The following PDE10A variants were observed in gnomAD, a reference collection of about 807,000 sequenced individuals.
PDE10A encodes phosphodiesterase 10A, also known as cAMP and cAMP-inhibited cGMP 3',5'-cyclic phosphodiesterase 10A.
Under a neutral mutation model 97.7 loss-of-function variants are expected in PDE10A, and 39 were observed. The observed-to-expected ratio is 0.40, with a 90% confidence interval of 0.31 to 0.52. The LOEUF (loss-of-function observed/expected upper bound fraction) is 0.52, where lower values mean the gene tolerates loss of function less well. PDE10A is among the 20% of genes least tolerant of loss of function. The pLI is 0.56. For missense variants in PDE10A, 731 were observed against 1,047.8 expected (o/e 0.70, Z 4.17); for synonymous variants, 371 against 376.8 (o/e 0.98, Z 0.18).
intron 1 of PDE10A, among the ~76,000 whole-genome samples, chr6:165,679,934 G>A (rs1021574478): frequency 2.6e-5 from 4 of 152,076 alleles, no homozygotes; most frequent in Non-Finnish European, 5.9e-5. Context: ...GACTCCCATG[G>A]TGGACATTGT....
chr6:165,841,316 A>T (rs1780251518), intron 1 of PDE10A, among the ~76,000 whole-genome samples: 2 of 152,022 alleles, frequency 1.3e-5, no homozygotes, highest in Admixed American at 1.3e-4. Flanking sequence ...AAGTTTATGG[A>T]CCCATTGTTC....
intron 1 of PDE10A, among the ~76,000 whole-genome samples, chr6:165,741,775 G>A (rs1401751003): frequency 6.6e-6 from 1 of 152,042 alleles, no homozygotes; most frequent in African/African-American, 2.4e-5. Context: ...TTGATTGTGG[G>A]CAAATAGCAA....
intron 1 of PDE10A, among the ~76,000 whole-genome samples, chr6:165,674,916 T>C (rs1790752698): frequency 6.6e-6 from 1 of 152,346 alleles, no homozygotes; most frequent in East Asian, 1.9e-4. Context: ...TCTCGTTCAC[T>C]CTTAGACTCC....
intron 2 of PDE10A, among the ~76,000 whole-genome samples, chr6:165,493,442 T>C (rs754239315): frequency 2.6e-5 from 4 of 152,024 alleles, no homozygotes; most frequent in Non-Finnish European, 5.9e-5. Flanking sequence ...AACTATACTA[T>C]AAGGCCAAAG....
At chr6:165,375,401 A>C (rs549018248) in intron 18 of PDE10A, among the ~76,000 whole-genome samples, 1 of 152,354 alleles carries the variant, frequency 6.6e-6, no homozygotes, top group Non-Finnish European at 1.5e-5. Flanking sequence ...GCCAAAAGCT[A>C]ATCCAGAGCA....
intron 1 of PDE10A, among the ~76,000 whole-genome samples, chr6:165,955,192 T>G (rs1784099399): frequency 1.3e-5 from 2 of 152,086 alleles, no homozygotes; most frequent in Admixed American, 6.5e-5. Context: ...GTTCTCCACA[T>G]AGCCCGAGGG....
intron 19 of PDE10A, among the ~76,000 whole-genome samples, chr6:165,342,024 A>G (rs547837458): frequency 2.1e-4 from 32 of 152,336 alleles, no homozygotes; most frequent in East Asian, 1.9e-3. Context: ...GTTACAATTT[A>G]ACACGGCATC....
At chr6:165,518,615 G>T (rs893880557) in intron 2 of PDE10A, among the ~76,000 whole-genome samples, 5 of 152,150 alleles carry the variant, frequency 3.3e-5, no homozygotes, top group African/African-American at 1.2e-4. Context: ...TGGCAATTCA[G>T]ATACACCAAG....
At chr6:165,478,037 C>T (rs1438256638) in intron 3 of PDE10A, among the ~76,000 whole-genome samples, 1 of 152,138 alleles carries the variant, frequency 6.6e-6, no homozygotes, top group African/African-American at 2.4e-5. Flanking sequence ...CCTTAAACAT[C>T]ATTTATACAC....
At chr6:165,912,243 G>A (rs1461778320) in intron 1 of PDE10A, among the ~76,000 whole-genome samples, 1 of 151,642 alleles carries the variant, frequency 6.6e-6, no homozygotes, top group East Asian at 1.9e-4. Flanking sequence ...ACACGTATAT[G>A]TATACATACA....
upstream of PDE10A, among the ~76,000 whole-genome samples, chr6:165,666,110 C>G (rs758648859): frequency 2.0e-5 from 3 of 152,102 alleles, no homozygotes; most frequent in Non-Finnish European, 4.4e-5. Flanking sequence ...GCCATGCACC[C>G]ATTTTAATAA....
chr6:165,770,163 C>CGAA (rs372449605), intron 1 of PDE10A, among the ~76,000 whole-genome samples: 2 of 127,902 alleles, frequency 1.6e-5, no homozygotes, highest in Non-Finnish European at 3.3e-5. Flanking sequence ...TGCAAAAGGG[C>CGAA]AAAAAAAAAA....
At chr6:165,578,141 C>T (rs1170258861) in intron 1 of PDE10A, among the ~76,000 whole-genome samples, 1 of 152,312 alleles carries the variant, frequency 6.6e-6, no homozygotes, top group South Asian at 2.1e-4. Flanking sequence ...TGGGCCGAAT[C>T]GTCCAGATGC....
At chr6:165,909,456 A>G (rs956054769) in intron 1 of PDE10A, among the ~76,000 whole-genome samples, 5 of 152,232 alleles carry the variant, frequency 3.3e-5, no homozygotes, top group Non-Finnish European at 7.3e-5. Context: ...AGGAGATACA[A>G]TAGAAAATGG....
Position 165,691,108 on chromosome 6 carries a change from C to CCT in PDE10A, c.-614-147541_-614-147540insAG, listed in dbSNP as rs1554305970. On this transcript the variant is annotated intron_variant, in intron 1 of 19. Coordinates refer to the PDE10A transcript ENST00000366882. The stretch of plus-strand genomic sequence containing the variant: ...CTCTCTCTCTCTCTCTTTCTCTCTC[C>CCT]CCCCCCCCATCAGTGCCTGTGGTCA... Among the ~76,000 whole-genome samples, 4 of 34,820 alleles carry CCT rather than the reference C, an allele frequency of 1.1e-4. 1 individual carries two copies. Among genetic ancestry groups the CCT allele is most frequent in the South Asian group, 1.4e-3 (1 of 722 alleles). 22.8% of individuals were successfully genotyped at this position (34,820 alleles called of 152,430 possible). A position where few individuals can be genotyped will look rare whatever the true frequency, so the allele number is the denominator to read the frequency against.
At chr6:165,792,919 C>T (rs1778697765) in intron 1 of PDE10A, among the ~76,000 whole-genome samples, 1 of 152,168 alleles carries the variant, frequency 6.6e-6, no homozygotes, top group Non-Finnish European at 1.5e-5. Context: ...GTCTCCCAGC[C>T]TTTCCTGTCT....
At chr6:165,653,020 G>A (rs960456151) in intron 1 of PDE10A, among the ~76,000 whole-genome samples, 1 of 152,072 alleles carries the variant, frequency 6.6e-6, no homozygotes, top group Non-Finnish European at 1.5e-5. Flanking sequence ...AGAAGCCCTG[G>A]GTCACTGGTG....
At chr6:165,778,644 A>C (rs1400705455) in intron 1 of PDE10A, among the ~76,000 whole-genome samples, 1 of 152,186 alleles carries the variant, frequency 6.6e-6, no homozygotes, top group Non-Finnish European at 1.5e-5. Context: ...ATTGTTCTCC[A>C]AAGCTGCTGA....
At chr6:165,419,119 TGCCATCCAAG>T (rs1192318284) in intron 10 of PDE10A, among the ~76,000 whole-genome samples, 1 of 152,182 alleles carries the variant, frequency 6.6e-6, no homozygotes, top group Non-Finnish European at 1.5e-5. Context: ...AGTGCCCTTC[TGCCATCCAAG>T]GCCCTCTTCC....
Sources: allele counts gnomAD v4.1 joint callset (sites outside exome capture counted in the v4.1 genomes callset), GRCh38; gene constraint gnomAD v4.1.1; transcripts MANE v1.5; gene names NCBI Gene and HGNC (gene_info 2026-07-23, HGNC 2026-07-21).